Variants in DPP6 observed in about 807,000 individuals in gnomAD.
DPP6 encodes A-type potassium channel modulatory protein DPP6.
A neutral mutation model predicts 122.6 loss-of-function variants in DPP6; 69 were observed. The observed-to-expected ratio is 0.56, with a 90% CI of 0.46 to 0.69. DPP6 has a LOEUF of 0.69. DPP6 is among the 30% of genes least tolerant of loss of function. The pLI is 0.00. For synonymous variants in DPP6, 418 were observed against 433.1 expected, an observed-to-expected ratio of 0.97 and a Z score of 0.43; for missense variants, 928 against 1,116.9, an observed-to-expected ratio of 0.83 and a Z score of 2.41.
chr7:154,349,444 G>A (rs1226026542), intron 1 of DPP6, among the ~76,000 whole-genome samples: 4 of 152,226 alleles, frequency 2.6e-5, no homozygotes, highest in Non-Finnish European at 4.4e-5. Flanking sequence ...CCAAAATGCT[G>A]GGATTACAGG....
chr7:154,440,438 C>T (rs1479120803), intron 1 of DPP6, among the ~76,000 whole-genome samples: 1 of 152,268 alleles, frequency 6.6e-6, no homozygotes, highest in East Asian at 1.9e-4. Flanking sequence ...GCTTCCCCTG[C>T]TAAGTACATG....
At chr7:154,574,615 TG>T (rs1179007868) in intron 5 of DPP6, among the ~76,000 whole-genome samples, 1 of 95,946 alleles carries the variant, frequency 1.0e-5, no homozygotes, top group Non-Finnish European at 2.2e-5. Context: ...GAGTTTGGGG[TG>T]TATGTGTGTG....
intron 1 of DPP6, among the ~76,000 whole-genome samples, chr7:153,979,963 AT>A (rs201995947): frequency 0.017 from 2,602 of 152,036 alleles, 39 homozygotes; most frequent in Non-Finnish European, 0.026. Flanking sequence ...TTTATTGAGG[AT>A]TTTTGCATCA....
chr7:154,593,296 A>G (rs1003359780), intron 5 of DPP6, among the ~76,000 whole-genome samples: 7 of 152,238 alleles, frequency 4.6e-5, no homozygotes, highest in African/African-American at 1.7e-4. Flanking sequence ...AACAGCACAC[A>G]TCTTGACTGA....
intron 1 of DPP6, among the ~76,000 whole-genome samples, chr7:154,420,394 A>G (rs1033535136): frequency 6.6e-6 from 1 of 152,210 alleles, no homozygotes; most frequent in South Asian, 2.1e-4. Context: ...GCTAAGTCAA[A>G]TAAGCCAGTC....
chr7:153,961,847 C>T (rs1200067393), intron 1 of DPP6, among the ~76,000 whole-genome samples: 4 of 116,560 alleles, frequency 3.4e-5, no homozygotes, highest in Non-Finnish European at 1.7e-5. Context: ...GGATCTGATG[C>T]TGCAGCTGAT....
At chr7:153,920,563 C>CTTTTTTTTCTTTTT (rs1800589127) in intron 1 of DPP6, among the ~76,000 whole-genome samples, 1 of 88,690 alleles carries the variant, frequency 1.1e-5, no homozygotes. Flanking sequence ...TTATCTCTCT[C>CTTTTTTTTCTTTTT]TTTTTTTTTT....
At chr7:154,538,780 T>C (rs1421990017) in intron 3 of DPP6, among the ~76,000 whole-genome samples, 1 of 152,252 alleles carries the variant, frequency 6.6e-6, no homozygotes, top group African/African-American at 2.4e-5. Flanking sequence ...CCATGTGAGT[T>C]CTTTTAATGT....
chr7:154,754,927 G>C (rs898568685), intron 8 of DPP6, among the ~76,000 whole-genome samples: 2 of 152,098 alleles, frequency 1.3e-5, no homozygotes, highest in Non-Finnish European at 2.9e-5. Flanking sequence ...GTTGAACAAT[G>C]AGAACACATG....
chr7:153,993,437 A>C lies in DPP6; in HGVS notation c.51+105703A>C, dbSNP rs201909692. Among the ~76,000 whole-genome samples the C allele has an allele frequency of 2.0e-4, 31 of 152,382 alleles. No individual in the cohort carries two copies. The East Asian group carries it at 5.8e-3, about 28-fold the overall frequency. The stretch of plus-strand genomic sequence containing the variant: ...TCTGCTGAGAGCCCAGCTCTCCTTA[A>C]AAAACTCTGCCTCAAAGATACTTTA... On this transcript the variant is annotated intron_variant, in intron 1 of 25. Transcript: ENST00000404039.
intron 19 of DPP6, among the ~76,000 whole-genome samples, chr7:154,873,151 T>C (rs1432155002): frequency 1.3e-5 from 2 of 152,366 alleles, no homozygotes; most frequent in South Asian, 2.1e-4. Context: ...CTCTTTCTTA[T>C]ATTCATTAAT....
intron 2 of DPP6, among the ~76,000 whole-genome samples, chr7:154,452,966 T>C (rs149365684): frequency 4.6e-5 from 7 of 152,356 alleles, no homozygotes; most frequent in Admixed American, 4.6e-4. Flanking sequence ...TTTCTAAATT[T>C]CTTCTCTTTG....
intron 1 of DPP6, among the ~76,000 whole-genome samples, chr7:154,402,136 T>C (rs1416866140): frequency 6.7e-5 from 10 of 150,302 alleles, no homozygotes; most frequent in Non-Finnish European, 1.3e-4. Context: ...AGGAACACTT[T>C]TACACTGTTG....
At chr7:154,184,047 T>C (rs555923146) in intron 1 of DPP6, among the ~76,000 whole-genome samples, 1 of 152,260 alleles carries the variant, frequency 6.6e-6, no homozygotes, top group East Asian at 1.9e-4. Flanking sequence ...AACTTAGCGG[T>C]CAGCATTTAG....
At chr7:154,089,623 G>A (rs1487017165) in intron 1 of DPP6, among the ~76,000 whole-genome samples, 1 of 80,164 alleles carries the variant, frequency 1.2e-5, no homozygotes, top group Non-Finnish European at 2.3e-5. Flanking sequence ...CCACACACAC[G>A]ACTGACTGAC....
chr7:154,668,736 C>T (rs961923648), intron 6 of DPP6, among the ~76,000 whole-genome samples: 3 of 152,078 alleles, frequency 2.0e-5, no homozygotes, highest in African/African-American at 7.2e-5. Context: ...CCCACCATGA[C>T]CTTTACTCAC....
chr7:154,593,590 T>C (rs1382070654), intron 5 of DPP6, among the ~76,000 whole-genome samples: 1 of 152,198 alleles, frequency 6.6e-6, no homozygotes, highest in Non-Finnish European at 1.5e-5. Flanking sequence ...TTGCCACCAA[T>C]GTGTATCTAC....
At chr7:154,679,331 C>T (rs997325970) in intron 7 of DPP6, among the ~76,000 whole-genome samples, 4 of 152,196 alleles carry the variant, frequency 2.6e-5, no homozygotes, top group Non-Finnish European at 5.9e-5. Flanking sequence ...GACAGCAATT[C>T]CCCTACGCTA....
In DPP6 at chr7:154,225,931, C is replaced by G. The variant is rs546914532; in HGVS notation, c.243+172868C>G. Among the ~76,000 whole-genome samples the G allele has an allele frequency of 1.3e-4, 19 of 151,282 alleles. No individual in the cohort carries two copies. The South Asian group carries it at 4.0e-3, about 32-fold the overall frequency. On this transcript the variant is annotated intron_variant, in intron 1 of 25. Coordinates refer to ENST00000377770, the MANE Select transcript of DPP6 (RefSeq NM_130797.4). ...TCAAAGCAACCTCACAGTTTTGGTC[C>G]CACTACCCCTTAAAATTGGAAGGCA...
Sources: gnomAD v4.1 joint callset for allele counts (sites outside exome capture counted in the v4.1 genomes callset) on GRCh38, gnomAD v4.1.1 for gene constraint, MANE v1.5 for transcripts, NCBI Gene and HGNC (gene_info 2026-07-23, HGNC 2026-07-21) for gene names.